C1QTNF7: variants seen among roughly 807,000 people sequenced by gnomAD.
C1QTNF7 encodes the protein complement C1q tumor necrosis factor-related protein 7.
A neutral mutation model predicts 19.6 loss-of-function variants in C1QTNF7; 15 were observed. That is an observed-to-expected ratio of 0.76 (90% CI 0.51 to 1.18). The LOEUF (loss-of-function observed/expected upper bound fraction) is 1.18, where lower values mean the gene tolerates loss of function less well. Ranked by LOEUF, C1QTNF7 falls within the 50% of genes most tolerant of loss-of-function variation. The probability of loss-of-function intolerance (pLI) is 0.00; values close to 1 mark genes in which losing one functional copy is unlikely to be tolerated. For missense variants in C1QTNF7, 324 were observed against 359.7 expected (o/e 0.90, Z 0.80); for synonymous variants, 142 against 137.5 (o/e 1.03, Z -0.23).
intron 1 of C1QTNF7, among the ~76,000 whole-genome samples, chr4:15,404,199 T>C (rs1560357958): frequency 6.6e-6 from 1 of 152,208 alleles, no homozygotes; most frequent in Non-Finnish European, 1.5e-5. Flanking sequence ...TTATATATAT[T>C]TTTAAAAAGA....
In C1QTNF7 at chr4:15,356,943, G is replaced by GTT. The variant is rs199653260; in HGVS notation, c.13+16750_13+16751dup. Among the ~76,000 whole-genome samples the GTT allele has an allele frequency of 1.5e-3, 189 of 126,764 alleles. 1 individual carries two copies. The highest frequency in any genetic ancestry group is 4.9e-3 in the East Asian group (22 of 4,446). The allele number at this position is 126,764 out of a possible 152,430, so 83.2% of individuals were successfully genotyped here. A position where few individuals can be genotyped will look rare whatever the true frequency, so the allele number is the denominator to read the frequency against. On this transcript the variant is annotated intron_variant, in intron 1 of 2. Transcript: ENST00000295297. ...CCTTCACACACTTTTTGATAAAGTT[G>GTT]TTTTTTTTTTTTTTTGTAAATTTGT...
Position 15,435,727 on chromosome 4 carries a change from C to A in C1QTNF7, c.-8-9C>A, listed in dbSNP as rs200945124. 6.2e-7 allele frequency: 1 copy of A among 1,614,028 alleles called. No homozygotes were observed. The highest frequency in any genetic ancestry group is 1.3e-5 in the African/African-American group (1 of 75,068). ...AAAGTTCATTTACGTCTGTGTGTTT[C>A]TCTTCCAGAGCCAAAGATGTTTGTC... On this transcript the variant is annotated splice_polypyrimidine_tract_variant and intron_variant, in intron 1 of 2. Transcript: ENST00000444304.
intron 1 of C1QTNF7, among the ~76,000 whole-genome samples, chr4:15,346,741 C>T (rs1056658692): frequency 2.0e-5 from 3 of 152,144 alleles, no homozygotes; most frequent in African/African-American, 7.2e-5. Flanking sequence ...ATCAATTTCC[C>T]AGATCATTAT....
At chr4:15,404,819 C>T (rs141946943) in intron 1 of C1QTNF7, among the ~76,000 whole-genome samples, 20 of 152,302 alleles carry the variant, frequency 1.3e-4, no homozygotes, top group Non-Finnish European at 2.4e-4. Context: ...CACAACAGAA[C>T]TCATTCTTAT....
intron 1 of C1QTNF7, among the ~76,000 whole-genome samples, chr4:15,369,320 A>G (rs1351180407): frequency 6.6e-6 from 1 of 152,204 alleles, no homozygotes; most frequent in African/African-American, 2.4e-5. Flanking sequence ...TTTAGATTTT[A>G]GAGGGTTTTT....
intron 1 of C1QTNF7, among the ~76,000 whole-genome samples, chr4:15,395,770 A>G (rs546120468): frequency 5.8e-4 from 88 of 152,302 alleles, no homozygotes; most frequent in Non-Finnish European, 1.1e-3. Context: ...TGTCTCTAAC[A>G]ATCAAACCCT....
intron 1 of C1QTNF7, among the ~76,000 whole-genome samples, chr4:15,435,535 A>G (rs1712494429): frequency 6.6e-6 from 1 of 152,190 alleles, no homozygotes; most frequent in Non-Finnish European, 1.5e-5. Flanking sequence ...CGTGTAGGGC[A>G]CTGAGGATTC....
rs555297602 is a variant in C1QTNF7, at chr4:15,431,703, C to T, written c.-9+3597C>T. 1.4e-3 allele frequency among the ~76,000 whole-genome samples: 214 copies of T among 152,248 alleles called. 1 individual carries two copies. Among genetic ancestry groups the T allele is most frequent in the Non-Finnish European group, 2.4e-3 (160 of 68,014 alleles). ...TTTTTCCCCCACAAAGCTCAAACCT[C>T]CCCACAAAATTCTCCTCTTTCTCCA... On this transcript the variant is annotated intron_variant, in intron 1 of 2. Transcript: ENST00000444304.
In C1QTNF7 at chr4:15,367,861, G is replaced by C. The variant is rs546487063; in HGVS notation, c.13+27654G>C. On this transcript the variant is annotated intron_variant, in intron 1 of 2. Transcript: ENST00000295297. ...CAAACATTCCTAATTTACTAACTATGATTTTGTAATCAACATTATTGAGGT... is the reference window on the plus strand; with the variant it reads ...CAAACATTCCTAATTTACTAACTATCATTTTGTAATCAACATTATTGAGGT... Among the ~76,000 whole-genome samples, 152 of 151,442 alleles carry C rather than the reference G, an allele frequency of 1.0e-3. 1 individual carries two copies. The highest frequency in any genetic ancestry group is 3.3e-3 in the African/African-American group (137 of 41,272).
At chr4:15,400,234 G>GA (rs1718934046) in intron 1 of C1QTNF7, among the ~76,000 whole-genome samples, 1 of 151,982 alleles carries the variant, frequency 6.6e-6, no homozygotes, top group East Asian at 1.9e-4. Flanking sequence ...CAACTTGACT[G>GA]AAAAAAGAAA....
At chr4:15,420,786 C>T (rs140481517) in intron 1 of C1QTNF7, among the ~76,000 whole-genome samples, 1 of 128,982 alleles carries the variant, frequency 7.8e-6, no homozygotes, top group African/African-American at 2.9e-5. Flanking sequence ...ATGAAGATTT[C>T]TGCTAGTTTA....
At chr4:15,396,588 T>C (rs191741785) in intron 1 of C1QTNF7, among the ~76,000 whole-genome samples, 1 of 152,194 alleles carries the variant, frequency 6.6e-6, no homozygotes, top group East Asian at 1.9e-4. Flanking sequence ...ATTATTTATA[T>C]GCATAAAGCA....
chr4:15,420,031 T>C (rs975224004), intron 1 of C1QTNF7: 2 of 152,188 alleles, frequency 1.3e-5, no homozygotes, highest in Non-Finnish European at 2.9e-5. Flanking sequence ...ACGATTCTCA[T>C]CACTGGCAAA....
At chr4:15,360,986 T>G (rs1275748547) in intron 1 of C1QTNF7, among the ~76,000 whole-genome samples, 12 of 152,204 alleles carry the variant, frequency 7.9e-5, no homozygotes, top group Admixed American at 7.9e-4. Flanking sequence ...TACAATTGAT[T>G]GAATTTAAGG....
chr4:15,368,247 AC>A (rs1407749351), intron 1 of C1QTNF7, among the ~76,000 whole-genome samples: 2 of 151,402 alleles, frequency 1.3e-5, no homozygotes, highest in Non-Finnish European at 2.9e-5. Flanking sequence ...AGTTGTCCAC[AC>A]CCCCGACTCT....
chr4:15,374,547 G>A (rs1717855415), intron 1 of C1QTNF7: 3 of 985,114 alleles, frequency 3.0e-6, no homozygotes, highest in African/African-American at 1.7e-5. Context: ...AGGCCACAGC[G>A]TCATTGCACG....
intron 1 of C1QTNF7, among the ~76,000 whole-genome samples, chr4:15,413,031 T>C (rs936212653): frequency 2.0e-5 from 3 of 152,198 alleles, no homozygotes; most frequent in Non-Finnish European, 4.4e-5. Flanking sequence ...TAGAATTCTC[T>C]TGGGAGTTGC....
intron 1 of C1QTNF7, among the ~76,000 whole-genome samples, chr4:15,418,464 C>T (rs1711547287): frequency 6.6e-6 from 1 of 152,140 alleles, no homozygotes; most frequent in African/African-American, 2.4e-5. Flanking sequence ...CCGAAGTCCT[C>T]TCCTGCCCCA....
chr4:15,381,353 C>T (rs1365589592), intron 1 of C1QTNF7, among the ~76,000 whole-genome samples: 7 of 150,586 alleles, frequency 4.6e-5, no homozygotes, highest in Non-Finnish European at 8.8e-5. Context: ...GGAGGCAGAG[C>T]TTGCTGTGAG....
Sources: gnomAD v4.1 joint callset for allele counts (sites outside exome capture counted in the v4.1 genomes callset) on GRCh38, gnomAD v4.1.1 for gene constraint, MANE v1.5 for transcripts, NCBI Gene and HGNC (gene_info 2026-07-23, HGNC 2026-07-21) for gene names.